The following ARHGEF7 variants were observed in gnomAD, a reference collection of about 807,000 sequenced individuals.
ARHGEF7 encodes PAK-interacting exchange factor beta.
ARHGEF7 carries 33 observed loss-of-function variants against 109.8 expected under a neutral mutation model. The observed-to-expected ratio is 0.30, with a 90% CI of 0.23 to 0.40. The LOEUF (loss-of-function observed/expected upper bound fraction) is 0.40, where lower values mean the gene tolerates loss of function less well. ARHGEF7 is among the 10% of genes least tolerant of loss of function. The pLI is 1.00. For missense variants in ARHGEF7, 938 were observed against 1,098.5 expected (o/e 0.85, Z 2.07); for synonymous variants, 458 against 424.6 (o/e 1.08, Z -0.97).
chr13:111,304,446 G>A lies in ARHGEF7; in HGVS notation c.*1333G>A, dbSNP rs901524102. On this transcript the variant is annotated 3_prime_UTR_variant, in exon 22 of 22. Transcript: ENST00000646102. Reference sequence around the variant, plus strand: ...GTTTTAAAGTGAGATACACTTTTCCGTAGAACAAGTGTTCTATCTTTAAAA... The same window carrying A: ...GTTTTAAAGTGAGATACACTTTTCCATAGAACAAGTGTTCTATCTTTAAAA... The A allele has an allele frequency of 1.3e-5, 2 of 151,938 alleles. No homozygotes were observed. Among genetic ancestry groups the A allele is most frequent in the Admixed American group, 6.6e-5 (1 of 15,090 alleles). 9.4% of individuals were successfully genotyped at this position (151,938 alleles called of 1,614,324 possible).
At chr13:111,232,943 A>G (rs1265275645) in intron 5 of ARHGEF7, among the ~76,000 whole-genome samples, 2 of 152,286 alleles carry the variant, frequency 1.3e-5, no homozygotes, top group East Asian at 3.9e-4. Context: ...GCATTCGTGG[A>G]GCAGTCTCTT....
At chr13:111,213,053 G>A (rs186317651) in intron 4 of ARHGEF7, among the ~76,000 whole-genome samples, 3 of 152,228 alleles carry the variant, frequency 2.0e-5, no homozygotes, top group Admixed American at 6.5e-5. Context: ...AATTATAGGT[G>A]CTCTTAGAGA....
chr13:111,148,156 C>T (rs1362592907), intron 1 of ARHGEF7, among the ~76,000 whole-genome samples: 1 of 152,186 alleles, frequency 6.6e-6, no homozygotes, highest in Non-Finnish European at 1.5e-5. Flanking sequence ...TTGCATTCAC[C>T]GTGCTTATGC....
chr13:111,274,673 C>T, intron 10 of ARHGEF7, 58 bp from the exon 11 acceptor site: 1 of 1,101,128 alleles, frequency 9.1e-7, no homozygotes, highest in Non-Finnish European at 1.3e-6. Flanking sequence ...GTAGAAAGTA[C>T]CTTTTTAAGA....
At chr13:111,293,840 T>C (rs890200205) in intron 19 of ARHGEF7, 2 of 985,312 alleles carry the variant, frequency 2.0e-6, no homozygotes, top group Non-Finnish European at 2.4e-6. Flanking sequence ...GAGTGAACTC[T>C]GATGCAGTAT....
At chr13:111,229,946 A>G (rs532378732) in intron 5 of ARHGEF7, among the ~76,000 whole-genome samples, 59 of 152,156 alleles carry the variant, frequency 3.9e-4, no homozygotes, top group Middle Eastern at 3.4e-3. Flanking sequence ...ACATCTTTGC[A>G]TCAGCTGTGC....
chr13:111,265,297 TA>T (rs1282641970), intron 8 of ARHGEF7, among the ~76,000 whole-genome samples: 2 of 152,170 alleles, frequency 1.3e-5, no homozygotes, highest in Non-Finnish European at 2.9e-5. Context: ...TAAATTTTCT[TA>T]AATTGATGAG....
intron 5 of ARHGEF7, among the ~76,000 whole-genome samples, chr13:111,221,709 G>GTATC (rs10624279): frequency 0.45 from 64,896 of 145,078 alleles, 15,270 homozygotes; most frequent in South Asian, 0.55. Context: ...ATATCTATCT[G>GTATC]TATCTATCTA....
In ARHGEF7 at chr13:111,301,420, G is replaced by A. The variant is rs536552710; in HGVS notation, c.2412-58G>A. On this transcript the variant is annotated intron_variant, in intron 20 of 21. Coordinates refer to ENST00000646102, the MANE Select transcript of ARHGEF7 (RefSeq NM_001354046.2). ...TCGTAGTGTCTCCTGGTAAGTTTTCGTGTGTCCTCTCCATGCCTCACCTTG... is the reference window on the plus strand; with the variant it reads ...TCGTAGTGTCTCCTGGTAAGTTTTCATGTGTCCTCTCCATGCCTCACCTTG... The A allele has an allele frequency of 1.9e-5, 28 of 1,487,098 alleles. No individual in the cohort carries two copies. In the Middle Eastern group the frequency reaches 5.2e-4, roughly 27 times the overall value. 92.1% of individuals were successfully genotyped at this position (1,487,098 alleles called of 1,614,324 possible). A position where few individuals can be genotyped will look rare whatever the true frequency, so the allele number is the denominator to read the frequency against.
rs772627389 is a variant in ARHGEF7, at chr13:111,273,938, G to A, written c.1198G>A (p.Glu400Lys). The A allele has an allele frequency of 5.6e-6, 9 of 1,614,020 alleles. No homozygotes were observed. The highest frequency in any genetic ancestry group is 7.6e-6 in the Non-Finnish European group (9 of 1,180,024). The change falls in exon 10 of 22, where the codon GAG becomes AAG. Residue 400 changes from glutamate (E) to lysine (K), a missense_variant. Around this residue, in one of 4 missense-constraint regions of ARHGEF7, gnomAD observed 585 missense variants for 723.6 expected, o/e 0.81. Transcript: ENST00000646102. This position sits in a 1 kb window ranked among gnomAD's most constrained non-coding sequence, Gnocchi z 4.5. ...DKYPTLLKELERHMEDYHTDR... is the reference protein window; with the variant it reads ...DKYPTLLKELKRHMEDYHTDR... Reference sequence around the variant, plus strand: ...ATACCCTACGCTGCTCAAAGAGCTCGAGAGACACATGGAGGTACTGCGCTT... The same window carrying A: ...ATACCCTACGCTGCTCAAAGAGCTCAAGAGACACATGGAGGTACTGCGCTT...
chr13:111,159,200 G>T, intron 2 of ARHGEF7: 1 of 639,046 alleles, frequency 1.6e-6, no homozygotes, highest in Admixed American at 2.6e-5. Context: ...CATTGTTGTT[G>T]CAAATAACAG....
At chr13:111,172,182 A>G (rs1243296130) in intron 2 of ARHGEF7, among the ~76,000 whole-genome samples, 1 of 152,244 alleles carries the variant, frequency 6.6e-6, no homozygotes, top group Non-Finnish European at 1.5e-5. Flanking sequence ...GGGAGATTGT[A>G]ACAAAATGAA....
rs950597304 is a variant in ARHGEF7 at position 111,228,309 on chromosome 13, A to G, written c.671-4896A>G. On this transcript the variant is annotated intron_variant, in intron 5 of 21. Coordinates refer to ENST00000646102, the MANE Select transcript of ARHGEF7 (RefSeq NM_001354046.2). This position sits in a 1 kb window ranked among gnomAD's most constrained non-coding sequence, Gnocchi z 4.6. ...GAATATAGACTAGGCATTAGATACT[A>G]TTTAAAAATTATTAATATCGTCAGG... Among the ~76,000 whole-genome samples the G allele has an allele frequency of 3.9e-5, 6 of 152,320 alleles. No homozygotes were observed. In the East Asian group the frequency reaches 9.6e-4, roughly 24 times the overall value.
At chr13:111,198,285 C>T (rs796318251) in intron 2 of ARHGEF7, among the ~76,000 whole-genome samples, 1,545 of 151,550 alleles carry the variant, frequency 0.01, 23 homozygotes, top group African/African-American at 0.034. Flanking sequence ...AAAAGGGGTC[C>T]GATGATACTC....
At position 111,294,385 on chromosome 13, in the gene ARHGEF7, C is replaced by T. The variant is rs142566176; in HGVS notation, c.2311+2091C>T. ...CTGTGTAGACCACAACACTCAAACA[C>T]AGTTGCTGCACTTGGATTTTCCTTT... On this transcript the variant is annotated intron_variant, in intron 19 of 21. Transcript: ENST00000646102. 123 of 985,458 alleles carry T rather than the reference C, an allele frequency of 1.2e-4. 1 individual carries two copies. In the East Asian group the frequency reaches 0.013, roughly 108 times the overall value. The allele number at this position is 985,458 out of a possible 1,614,324, so 61.0% of individuals were successfully genotyped here.
chr13:111,234,266 A>G (rs575529890), intron 6 of ARHGEF7, among the ~76,000 whole-genome samples: 5 of 152,270 alleles, frequency 3.3e-5, no homozygotes, highest in South Asian at 2.1e-4. Flanking sequence ...GTGTGGTGCA[A>G]TGGAGTCTGA....
chr13:111,265,139 A>C (rs1295234364), intron 8 of ARHGEF7, among the ~76,000 whole-genome samples: 1 of 151,384 alleles, frequency 6.6e-6, no homozygotes, highest in Middle Eastern at 3.2e-3. Context: ...AAAAAAAAAA[A>C]AAAAAAAAGA....
Position 111,273,679 on chromosome 13 carries a change from A to G in ARHGEF7, c.1074-135A>G. 1.6e-6 allele frequency: 2 copies of G among 1,258,680 alleles called. No individual in the cohort carries two copies. Among genetic ancestry groups the G allele is most frequent in the Non-Finnish European group, 2.2e-6 (2 of 900,090 alleles). 78.0% of individuals were successfully genotyped at this position (1,258,680 alleles called of 1,614,324 possible). A position where few individuals can be genotyped will look rare whatever the true frequency, so the allele number is the denominator to read the frequency against. On this transcript the variant is annotated intron_variant, in intron 9 of 21. Transcript: ENST00000646102. The surrounding 1 kb of genome is among the most constrained non-coding windows in gnomAD (Gnocchi z 4.5). The stretch of plus-strand genomic sequence containing the variant: ...CAGATAAGCAGCGCAGATTTGGGAT[A>G]AAAGCTGGAGCCTTCCAGATGTTAA...
chr13:111,233,752 A>C (rs2153528137), intron 6 of ARHGEF7, among the ~76,000 whole-genome samples: 1 of 152,270 alleles, frequency 6.6e-6, no homozygotes, highest in East Asian at 1.9e-4. Context: ...CATGGCGTAG[A>C]ATTAGGGGAG....
Sources: gnomAD v4.1 joint callset for allele counts (sites outside exome capture counted in the v4.1 genomes callset) on GRCh38, gnomAD v4.1.1 for gene constraint, gnomAD v4.1.1 regional missense constraint, Gnocchi (gnomAD v3.1) non-coding constraint, MANE v1.5 for transcripts, NCBI Gene and HGNC (gene_info 2026-07-23, HGNC 2026-07-21) for gene names.